DEDD2: variants seen among roughly 807,000 people sequenced by gnomAD.
The protein encoded by DEDD2 is death effector domain containing 2.
Under a neutral mutation model 28.9 loss-of-function variants are expected in DEDD2, and 18 were observed. The ratio of observed to expected loss-of-function variants is 0.62; its 90% CI spans 0.43 to 0.92. The LOEUF (loss-of-function observed/expected upper bound fraction) is 0.92. Ranked by LOEUF, DEDD2 falls within the 40% of genes least tolerant of loss-of-function variation. The pLI is 0.00. For synonymous variants in DEDD2, 211 were observed against 206.1 expected (o/e 1.02, Z -0.20); for missense variants, 411 against 463.3 (o/e 0.89, Z 1.04).
At chr19:42,214,638 C>G (rs559341013) in intron 3 of DEDD2, among the ~76,000 whole-genome samples, 1 of 152,218 alleles carries the variant, frequency 6.6e-6, no homozygotes, top group South Asian at 2.1e-4. Context: ...TGGCATACCC[C>G]TGTAGTTCTA....
At chr19:42,217,460 C>T (rs1006067854) in intron 1 of DEDD2, 172 bp downstream of exon 1, 1 of 221,878 alleles carries the variant, frequency 4.5e-6, no homozygotes, top group African/African-American at 2.4e-5. Context: ...CCGAAAGTGA[C>T]CCTCTGCCCC....
chr19:42,209,790 C>A lies in DEDD2; in HGVS notation c.499G>T (p.Gly167Cys), dbSNP rs754504092. ...QRRSRGRPSG[G>C]ARRRRRGAPA... ...GCCCCTCTCCGCCGCCGTCTGGCAC[C>A]ACCACTGGGCCGGCCCCGACTCCGC... Residue 167 changes from glycine (G) to cysteine (C), a missense_variant, in exon 4 of 5, where the codon GGT becomes TGT. By Grantham distance (159) the Gly-to-Cys change is radical. Around this residue, in one of 2 missense-constraint regions of DEDD2, gnomAD observed 282 missense variants for 273.4 expected, o/e 1.03. Transcript: ENST00000596251. 6.3e-7 allele frequency: 1 copy of A among 1,585,328 alleles called. No individual in the cohort carries two copies. Among genetic ancestry groups the A allele is most frequent in the Admixed American group, 1.8e-5 (1 of 54,572 alleles).
intron 4 of DEDD2, among the ~76,000 whole-genome samples, chr19:42,203,126 T>C (rs972264886): frequency 2.6e-5 from 4 of 152,158 alleles, no homozygotes; most frequent in African/African-American, 9.7e-5. Context: ...AGATAGGAAA[T>C]GGCAGAGCTG....
In DEDD2 at chr19:42,216,732, C is replaced by T; in HGVS notation, c.276G>A (p.Val92=). ...GCGGCAGCAGGTCGTGGCGGGCCAG[C>T]ACGCGCAGGAGTTGCCCCAGCAGCC... ...NLRLLGQLLR[V]LARHDLLPHL... The change falls in exon 2 of 5, where the codon GTG becomes GTA. Residue 92 remains valine, a synonymous_variant. Coordinates refer to ENST00000596251, the MANE Select transcript of DEDD2 (RefSeq NM_133328.4). 1 of 1,590,734 alleles carries T rather than the reference C, an allele frequency of 6.3e-7. No individual in the cohort carries two copies.
upstream of DEDD2, among the ~76,000 whole-genome samples, chr19:42,218,347 C>A (rs1157340025): frequency 6.6e-6 from 1 of 151,682 alleles, no homozygotes; most frequent in Non-Finnish European, 1.5e-5. Context: ...ACCCTCCATT[C>A]CGACTGTGTA....
At chr19:42,200,049 C>T (rs928126641) in intron 4 of DEDD2, among the ~76,000 whole-genome samples, 5 of 152,148 alleles carry the variant, frequency 3.3e-5, no homozygotes, top group Admixed American at 6.5e-5. Flanking sequence ...GCCTCCCCAC[C>T]GCCAGGGGTG....
Position 42,202,617 on chromosome 19 carries a change from G to C in DEDD2, c.590-2788C>G, listed in dbSNP as rs556147395. On this transcript the variant is annotated intron_variant, in intron 4 of 4. Transcript: ENST00000596251. ...TATTTTATGAATGCCAGGCATGCTA[G>C]GGTGACACAAGAACCTTGCCACAAG... Among the ~76,000 whole-genome samples the C allele has an allele frequency of 3.9e-5, 6 of 152,248 alleles. No homozygotes were observed. In the East Asian group the frequency reaches 1.2e-3, roughly 29 times the overall value.
At position 42,199,933 on chromosome 19, in the gene DEDD2, G is replaced by A. The variant is rs903073274; in HGVS notation, c.590-104C>T. 2.5e-5 allele frequency: 36 copies of A among 1,453,936 alleles called. No homozygotes were observed. The highest frequency in any genetic ancestry group is 1.3e-4 in the Admixed American group (5 of 39,494). 90.1% of individuals were successfully genotyped at this position (1,453,936 alleles called of 1,614,324 possible). On this transcript the variant is annotated intron_variant, in intron 4 of 4. Coordinates refer to ENST00000596251, the MANE Select transcript of DEDD2 (RefSeq NM_133328.4). This position sits in a 1 kb window ranked among gnomAD's most constrained non-coding sequence, Gnocchi z 7.4. ...CAGCCTTCTCCCTCCACCCCCTTCCGGTAGCCACACCCTAGTCCTGACACA... is the reference window on the plus strand; with the variant it reads ...CAGCCTTCTCCCTCCACCCCCTTCCAGTAGCCACACCCTAGTCCTGACACA...
At chr19:42,203,550 A>G (rs2035414327) in intron 4 of DEDD2, among the ~76,000 whole-genome samples, 1 of 152,210 alleles carries the variant, frequency 6.6e-6, no homozygotes, top group Non-Finnish European at 1.5e-5. Context: ...CTCAATCCCA[A>G]TCGCCAGCAG....
upstream of DEDD2, among the ~76,000 whole-genome samples, chr19:42,218,731 G>A (rs549511487): frequency 6.6e-6 from 1 of 152,354 alleles, no homozygotes; most frequent in South Asian, 2.1e-4. Context: ...CTGAGCTGTA[G>A]CAGTGAATTC....
intron 4 of DEDD2, among the ~76,000 whole-genome samples, chr19:42,201,298 C>T (rs1237530564): frequency 6.6e-6 from 1 of 152,224 alleles, no homozygotes; most frequent in African/African-American, 2.4e-5. Context: ...AGCAGTGTGA[C>T]CTGTGACAAG....
Position 42,199,001 on chromosome 19 carries a change from A to C in DEDD2, c.*437T>G. On this transcript the variant is annotated 3_prime_UTR_variant, in exon 5 of 5. Coordinates refer to ENST00000596251, the MANE Select transcript of DEDD2 (RefSeq NM_133328.4). This position sits in a 1 kb window ranked among gnomAD's most constrained non-coding sequence, Gnocchi z 7.4. The stretch of plus-strand genomic sequence containing the variant: ...GTCCTGAGAGAGAAGCCCTTAGGCC[A>C]AAGAAGTGTGTGCTGGGAAGCAGGC... 6.0e-6 allele frequency: 1 copy of C among 167,056 alleles called. No individual in the cohort carries two copies. Among genetic ancestry groups the C allele is most frequent in the Non-Finnish European group, 1.3e-5 (1 of 77,166 alleles). 10.3% of individuals were successfully genotyped at this position (167,056 alleles called of 1,614,324 possible).
At chr19:42,200,390 G>C (rs770331026) in intron 4 of DEDD2, among the ~76,000 whole-genome samples, 2 of 152,234 alleles carry the variant, frequency 1.3e-5, no homozygotes, top group African/African-American at 4.8e-5. Context: ...ATGTATTTGT[G>C]AAGAACTAAT....
intron 4 of DEDD2, among the ~76,000 whole-genome samples, chr19:42,203,635 CCCCCTAACAT>C (rs2035417876): frequency 6.6e-6 from 1 of 152,164 alleles, no homozygotes; most frequent in South Asian, 2.1e-4. Flanking sequence ...AAACAAGGCT[CCCCCTAACAT>C]CCGCCCATGT....
chr19:42,213,576 C>A (rs2035847945), intron 3 of DEDD2, among the ~76,000 whole-genome samples: 1 of 152,176 alleles, frequency 6.6e-6, no homozygotes, highest in South Asian at 2.1e-4. Context: ...AGGATTATTC[C>A]TGCTAAAGAT....
Position 42,199,873 on chromosome 19 carries a change from G to A in DEDD2, c.590-44C>T. The A allele has an allele frequency of 6.5e-7, 1 of 1,537,156 alleles. No individual in the cohort carries two copies. Among genetic ancestry groups the A allele is most frequent in the East Asian group, 2.4e-5 (1 of 41,308 alleles). ...TTTGTCAGGGAGGGGGCCAACACTA[G>A]ACACACTTATGGGGAACGCCACCCT... On this transcript the variant is annotated intron_variant, in intron 4 of 4. Transcript: ENST00000596251. This position sits in a 1 kb window ranked among gnomAD's most constrained non-coding sequence, Gnocchi z 7.4.
chr19:42,212,927 A>G (rs922629434), intron 3 of DEDD2, among the ~76,000 whole-genome samples: 2 of 152,208 alleles, frequency 1.3e-5, no homozygotes, highest in African/African-American at 4.8e-5. Context: ...ATACTAACAG[A>G]AACTTTTTGA....
intron 4 of DEDD2, chr19:42,201,641 G>T: frequency 4.9e-6 from 1 of 202,228 alleles, no homozygotes. Context: ...GCAGAAAGGA[G>T]AATGCAGGGC....
At chr19:42,205,680 C>T (rs2035505983) in intron 4 of DEDD2, among the ~76,000 whole-genome samples, 1 of 151,948 alleles carries the variant, frequency 6.6e-6, no homozygotes, top group Non-Finnish European at 1.5e-5. Context: ...CAGATGAGAT[C>T]ATAGGGCAAC....
Sources: allele counts gnomAD v4.1 joint callset (sites outside exome capture counted in the v4.1 genomes callset), GRCh38; gene constraint gnomAD v4.1.1; regional missense constraint gnomAD v4.1.1; non-coding constraint Gnocchi (gnomAD v3.1); transcripts MANE v1.5; gene names NCBI Gene and HGNC (gene_info 2026-07-23, HGNC 2026-07-21).